Variants in PPM1E observed in about 807,000 individuals in gnomAD.
PPM1E encodes the protein protein phosphatase, Mg2+/Mn2+ dependent 1E.
In PPM1E, 20 loss-of-function variants were observed where a neutral mutation model predicts 65.9. The ratio of observed to expected loss-of-function variants is 0.30; its 90% CI spans 0.21 to 0.44. The LOEUF (loss-of-function observed/expected upper bound fraction) is 0.44, where lower values mean the gene tolerates loss of function less well. Among genes scored for constraint, PPM1E ranks in the 20% least tolerant of loss-of-function variants. The probability of loss-of-function intolerance (pLI) is 1.00; values close to 1 mark genes in which losing one functional copy is unlikely to be tolerated. For missense variants in PPM1E, 713 were observed against 953.1 expected, an observed-to-expected ratio of 0.75 and a Z score of 3.32; for synonymous variants, 352 against 374.9, an observed-to-expected ratio of 0.94 and a Z score of 0.70.
chr17:58,786,395 G>T (rs1567833168), intron 1 of PPM1E, among the ~76,000 whole-genome samples: 2 of 152,042 alleles, frequency 1.3e-5, no homozygotes, highest in Non-Finnish European at 2.9e-5. Flanking sequence ...TGCAATTTGG[G>T]ACCATTATTA....
At chr17:58,795,075 A>G (rs1396259669) in intron 1 of PPM1E, among the ~76,000 whole-genome samples, 1 of 151,922 alleles carries the variant, frequency 6.6e-6, no homozygotes. Flanking sequence ...TATCTACAGT[A>G]GAGACAGGGT....
chr17:58,971,720 G>A (rs2030639828), intron 4 of PPM1E, among the ~76,000 whole-genome samples: 1 of 152,184 alleles, frequency 6.6e-6, no homozygotes. Flanking sequence ...TACGATGTCA[G>A]TAATGAAATG....
intron 1 of PPM1E, among the ~76,000 whole-genome samples, chr17:58,770,402 T>C (rs182783154): frequency 6.6e-6 from 1 of 152,170 alleles, no homozygotes; most frequent in African/African-American, 2.4e-5. Flanking sequence ...GGCATACTCC[T>C]TTAGTTCCAG....
At chr17:58,877,673 G>A (rs2051143137) in intron 1 of PPM1E, among the ~76,000 whole-genome samples, 1 of 152,102 alleles carries the variant, frequency 6.6e-6, no homozygotes, top group Admixed American at 6.5e-5. Context: ...ATTTAATGCT[G>A]GCAATTTAAG....
At chr17:58,930,497 C>T (rs979776272) in intron 1 of PPM1E, among the ~76,000 whole-genome samples, 1 of 152,018 alleles carries the variant, frequency 6.6e-6, no homozygotes, top group Non-Finnish European at 1.5e-5. Flanking sequence ...TAATAAAAAA[C>T]AGATCTGATG....
intron 1 of PPM1E, among the ~76,000 whole-genome samples, chr17:58,884,543 T>C (rs752463131): frequency 6.6e-6 from 1 of 152,234 alleles, no homozygotes; most frequent in Non-Finnish European, 1.5e-5. Context: ...TAGTAGGGTT[T>C]CTGAAAGGAG....
At chr17:58,807,380 A>G (rs752819994) in intron 1 of PPM1E, among the ~76,000 whole-genome samples, 11 of 152,190 alleles carry the variant, frequency 7.2e-5, no homozygotes, top group Non-Finnish European at 1.0e-4. Context: ...GTTGAAATGA[A>G]TATAATATTT....
intron 3 of PPM1E, chr17:58,966,401 T>G (rs1435049033): frequency 4.3e-6 from 1 of 231,088 alleles, no homozygotes; most frequent in Non-Finnish European, 7.8e-6. Flanking sequence ...AAATTATATC[T>G]CAATAAAGCA....
chr17:58,833,389 C>T (rs1214209093), intron 1 of PPM1E, among the ~76,000 whole-genome samples: 1 of 150,344 alleles, frequency 6.7e-6, no homozygotes, highest in East Asian at 1.9e-4. Context: ...TCACCGCACC[C>T]CCACAGAAGT....
At chr17:58,891,777 A>G (rs2051348641) in intron 1 of PPM1E, among the ~76,000 whole-genome samples, 1 of 151,162 alleles carries the variant, frequency 6.6e-6, no homozygotes, top group South Asian at 2.1e-4. Context: ...GGAAAGGAAC[A>G]TATAATGAAC....
chr17:58,826,304 C>CAAAA (rs11479413), intron 1 of PPM1E, among the ~76,000 whole-genome samples: 1 of 111,036 alleles, frequency 9.0e-6, no homozygotes, highest in Non-Finnish European at 1.8e-5. Flanking sequence ...GACTCGATCT[C>CAAAA]AAAAAAAAAA....
At chr17:58,902,353 ATGTT>A (rs1201599453) in intron 1 of PPM1E, among the ~76,000 whole-genome samples, 2 of 152,184 alleles carry the variant, frequency 1.3e-5, no homozygotes, top group African/African-American at 4.8e-5. Context: ...AGGAAGATAA[ATGTT>A]TGTGTTTTTT....
At chr17:58,826,304 C>CAA (rs11479413) in intron 1 of PPM1E, among the ~76,000 whole-genome samples, 5 of 111,034 alleles carry the variant, frequency 4.5e-5, no homozygotes, top group Admixed American at 9.8e-5. Context: ...GACTCGATCT[C>CAA]AAAAAAAAAA....
chr17:58,881,101 C>T (rs897627759), intron 1 of PPM1E, among the ~76,000 whole-genome samples: 4 of 152,172 alleles, frequency 2.6e-5, no homozygotes, highest in African/African-American at 9.7e-5. Flanking sequence ...ATAATATTCA[C>T]TTCCCATCCA....
intron 1 of PPM1E, among the ~76,000 whole-genome samples, chr17:58,820,795 CATAA>C (rs1567843534): frequency 6.6e-6 from 1 of 151,926 alleles, no homozygotes; most frequent in African/African-American, 2.4e-5. Context: ...TAAATTATAT[CATAA>C]ATAAAATAAA....
At chr17:58,830,674 AT>A (rs537789190) in intron 1 of PPM1E, among the ~76,000 whole-genome samples, 9 of 149,184 alleles carry the variant, frequency 6.0e-5, no homozygotes, top group East Asian at 2.0e-4. Context: ...GGTTTACTTT[AT>A]TTTTTTTTAT....
chr17:58,879,749 T>G (rs1384797299), intron 1 of PPM1E, among the ~76,000 whole-genome samples: 1 of 152,032 alleles, frequency 6.6e-6, no homozygotes. Flanking sequence ...GACCTCGTGA[T>G]CCACCCGCCT....
intron 1 of PPM1E, among the ~76,000 whole-genome samples, chr17:58,808,166 G>C (rs2050332715): frequency 6.6e-6 from 1 of 152,072 alleles, no homozygotes; most frequent in Non-Finnish European, 1.5e-5. Context: ...TTAAATTGGT[G>C]ATTTGTTTAT....
chr17:58,770,808 G>A (rs2049929981), intron 1 of PPM1E, among the ~76,000 whole-genome samples: 1 of 150,346 alleles, frequency 6.7e-6, no homozygotes. Context: ...TAAGCTTTCT[G>A]TATTGAGAAT....
Sources: allele counts gnomAD v4.1 joint callset (sites outside exome capture counted in the v4.1 genomes callset), GRCh38; gene constraint gnomAD v4.1.1; transcripts MANE v1.5; gene names NCBI Gene and HGNC (gene_info 2026-07-23, HGNC 2026-07-21).